The following PPP2R5A variants were observed in gnomAD, a reference collection of about 807,000 sequenced individuals.
PPP2R5A encodes the protein serine/threonine-protein phosphatase 2A 56 kDa regulatory subunit alpha isoform.
In PPP2R5A, 25 loss-of-function variants were observed where a neutral mutation model predicts 64.2. The ratio of observed to expected loss-of-function variants is 0.39; its 90% CI spans 0.28 to 0.54. The LOEUF (loss-of-function observed/expected upper bound fraction) is 0.54, where lower values mean the gene tolerates loss of function less well. Among genes scored for constraint, PPP2R5A ranks in the 20% least tolerant of loss-of-function variants. PPP2R5A has a pLI of 0.67. For synonymous variants in PPP2R5A, 198 were observed against 201.2 expected (o/e 0.98, Z 0.13); for missense variants, 425 against 576.3 (o/e 0.74, Z 2.69).
chr1:212,337,514 C>T (rs1659610649), intron 3 of PPP2R5A, among the ~76,000 whole-genome samples: 1 of 152,094 alleles, frequency 6.6e-6, no homozygotes, highest in Non-Finnish European at 1.5e-5. Context: ...TACACCTTTA[C>T]ATTCAAATAA....
Position 212,345,946 on chromosome 1 carries a change from T to C in PPP2R5A, c.704+13T>C. ...ACATTTTCCTCAGGTAAATTAATCA[T>C]TTATTGTATATTGCACCTTTTCCTC... On this transcript the variant is annotated intron_variant, in intron 5 of 12. Transcript: ENST00000261461. The C allele has an allele frequency of 1.3e-6, 2 of 1,576,310 alleles. No homozygotes were observed. The highest frequency in any genetic ancestry group is 4.5e-5 in the East Asian group (2 of 44,520).
At chr1:212,320,397 T>TC (rs1341544505) in intron 1 of PPP2R5A, among the ~76,000 whole-genome samples, 1 of 151,970 alleles carries the variant, frequency 6.6e-6, no homozygotes, top group African/African-American at 2.4e-5. Flanking sequence ...TCCCCACCTT[T>TC]CCCCCCTTTC....
intron 1 of PPP2R5A, among the ~76,000 whole-genome samples, chr1:212,315,573 GA>G (rs1260886985): frequency 6.6e-6 from 1 of 152,036 alleles, no homozygotes; most frequent in South Asian, 2.1e-4. Context: ...AATTTACTTC[GA>G]AAAATTCTCA....
At chr1:212,290,391 T>G (rs866166653) in intron 1 of PPP2R5A, among the ~76,000 whole-genome samples, 1 of 152,194 alleles carries the variant, frequency 6.6e-6, no homozygotes, top group African/African-American at 2.4e-5. Flanking sequence ...CTAAACACAG[T>G]TGGGATGGCA....
At chr1:212,353,854 T>C (rs992959152) in intron 8 of PPP2R5A, among the ~76,000 whole-genome samples, 15 of 152,170 alleles carry the variant, frequency 9.9e-5, no homozygotes, top group African/African-American at 3.6e-4. Context: ...ACCTCACTTA[T>C]TTACAGTCAT....
At chr1:212,359,973 A>ATAAC (rs1660050903) in intron 12 of PPP2R5A, among the ~76,000 whole-genome samples, 1 of 152,190 alleles carries the variant, frequency 6.6e-6, no homozygotes, top group South Asian at 2.1e-4. Context: ...CTTTTAACTC[A>ATAAC]TAACTGCAGA....
At chr1:212,321,340 C>T (rs1368459110) in intron 1 of PPP2R5A, among the ~76,000 whole-genome samples, 27 of 145,530 alleles carry the variant, frequency 1.9e-4, no homozygotes, top group African/African-American at 5.1e-4. Context: ...ACCTCCCTTC[C>T]GGACGGGGCG....
chr1:212,360,647 G>T lies in PPP2R5A; in HGVS notation c.1338G>T (p.Lys446Asn). ...SYKAERQREK[K>N]KELEREELWK... is the part of the protein sequence containing the mutation. ...TTTGGTTTATCTACAGAGAGAAAAA[G>T]AAGGAATTGGAACGTGAAGAATTAT... The change falls in exon 13 of 13, where the codon AAG becomes AAT. Residue 446 changes from lysine (K) to asparagine (N), a missense_variant. Physicochemically the swap from Lys to Asn is moderately conservative, Grantham distance 94. Coordinates refer to ENST00000261461, the MANE Select transcript of PPP2R5A (RefSeq NM_006243.4). 1 of 1,564,688 alleles carries T rather than the reference G, an allele frequency of 6.4e-7. No individual in the cohort carries two copies. The highest frequency in any genetic ancestry group is 8.6e-7 in the Non-Finnish European group (1 of 1,160,916).
intron 7 of PPP2R5A, among the ~76,000 whole-genome samples, chr1:212,348,881 T>C (rs1416071426): frequency 6.6e-6 from 1 of 152,192 alleles, no homozygotes; most frequent in Non-Finnish European, 1.5e-5. Flanking sequence ...TAGGTGTACA[T>C]GTAGAAACAT....
At chr1:212,312,023 TTACTCA>T (rs1322875062) in intron 1 of PPP2R5A, among the ~76,000 whole-genome samples, 1 of 152,228 alleles carries the variant, frequency 6.6e-6, no homozygotes. Flanking sequence ...CACTCACCAC[TTACTCA>T]TCCAGAGCAA....
At chr1:212,296,191 G>A (rs1558138480) in intron 1 of PPP2R5A, among the ~76,000 whole-genome samples, 1 of 147,308 alleles carries the variant, frequency 6.8e-6, no homozygotes, top group Non-Finnish European at 1.5e-5. Flanking sequence ...TGGGTGGATA[G>A]GAATGTGTCC....
chr1:212,346,632 C>CG (rs1262004990), intron 5 of PPP2R5A, among the ~76,000 whole-genome samples: 1 of 152,032 alleles, frequency 6.6e-6, no homozygotes, highest in Non-Finnish European at 1.5e-5. Flanking sequence ...ATGAAACCTG[C>CG]GGATACAGGG....
Position 212,329,151 on chromosome 1 carries a change from A to C in PPP2R5A, c.198A>C (p.Glu66Asp), listed in dbSNP as rs1046244917. Residue 66 changes from glutamate (E) to aspartate (D), a missense_variant, in exon 2 of 13, where the codon GAA becomes GAC. By Grantham distance (45) the Glu-to-Asp change is conservative. This residue lies in a region of PPP2R5A where 104 missense variants were observed against 95.7 expected (regional missense o/e 1.09). Coordinates refer to ENST00000261461, the MANE Select transcript of PPP2R5A (RefSeq NM_006243.4). ...TATTTATAGATGCCACTTCAAATGAACAACAAGAGCTTTTCTGTCAGAAGT... is the reference window on the plus strand; with the variant it reads ...TATTTATAGATGCCACTTCAAATGACCAACAAGAGCTTTTCTGTCAGAAGT... ...LPQLKDATSN[E>D]QQELFCQKLQ... The C allele has an allele frequency of 6.6e-7, 1 of 1,509,284 alleles. No homozygotes were observed. Among genetic ancestry groups the C allele is most frequent in the African/African-American group, 1.4e-5 (1 of 70,936 alleles). 93.5% of individuals were successfully genotyped at this position (1,509,284 alleles called of 1,614,324 possible).
intron 1 of PPP2R5A, among the ~76,000 whole-genome samples, chr1:212,313,403 C>G (rs182623727): frequency 3.9e-4 from 60 of 152,248 alleles, no homozygotes; most frequent in East Asian, 5.8e-4. Context: ...TACATACTTA[C>G]ATTTTTTTGG....
intron 1 of PPP2R5A, among the ~76,000 whole-genome samples, chr1:212,326,013 G>A (rs991981924): frequency 6.6e-6 from 1 of 151,828 alleles, no homozygotes; most frequent in Admixed American, 6.6e-5. Context: ...TTAAGAAAAG[G>A]GCCATTCAAG....
intron 1 of PPP2R5A, among the ~76,000 whole-genome samples, chr1:212,327,931 C>T (rs1319966407): frequency 1.3e-5 from 2 of 152,246 alleles, no homozygotes; most frequent in African/African-American, 4.8e-5. Flanking sequence ...TCTCTTACCT[C>T]AGCCTCTGGA....
intron 1 of PPP2R5A, among the ~76,000 whole-genome samples, chr1:212,318,240 C>G (rs1571588681): frequency 6.6e-6 from 1 of 151,468 alleles, no homozygotes; most frequent in East Asian, 1.9e-4. Context: ...AAAAACACAT[C>G]TTTTAGTCAA....
At chr1:212,357,354 T>A in intron 11 of PPP2R5A, 70 bp downstream of exon 11, 1 of 1,325,360 alleles carries the variant, frequency 7.5e-7, no homozygotes, top group Non-Finnish European at 1.0e-6. Flanking sequence ...ATTGATTTCC[T>A]AACTCATACT....
intron 1 of PPP2R5A, among the ~76,000 whole-genome samples, chr1:212,303,309 G>A (rs34447409): frequency 0.17 from 25,234 of 152,024 alleles, 2,540 homozygotes; most frequent in Middle Eastern, 0.3. Flanking sequence ...GTATCTCTTC[G>A]TGGTTATGAT....
Sources: allele counts gnomAD v4.1 joint callset (sites outside exome capture counted in the v4.1 genomes callset), GRCh38; gene constraint gnomAD v4.1.1; regional missense constraint gnomAD v4.1.1; transcripts MANE v1.5; gene names NCBI Gene and HGNC (gene_info 2026-07-23, HGNC 2026-07-21).